DSC1: variants seen among roughly 807,000 people sequenced by gnomAD.
DSC1 encodes the protein desmocollin 1.
A neutral mutation model predicts 98.8 loss-of-function variants in DSC1; 79 were observed. That is an observed-to-expected ratio of 0.80 (90% CI 0.67 to 0.96). DSC1 has a LOEUF of 0.96. DSC1 is among the 50% of genes least tolerant of loss of function. DSC1 has a pLI of 0.00. For synonymous variants in DSC1, 405 were observed against 372.1 expected, an observed-to-expected ratio of 1.09 and a Z score of -1.02; for missense variants, 1,115 against 1,075.9, an observed-to-expected ratio of 1.04 and a Z score of -0.51.
chr18:31,144,787 GGTAATAATGATGT>G (rs1435179344), intron 7 of DSC1, among the ~76,000 whole-genome samples: 2 of 152,198 alleles, frequency 1.3e-5, no homozygotes, highest in East Asian at 1.9e-4. Context: ...ATGGACTTTA[GGTAATAATGATGT>G]GTAATAATGA....
rs779164711 is a variant in DSC1, at chr18:31,156,185, A to AG, written c.352-24_352-23insC. 6.5e-5 allele frequency: 104 copies of AG among 1,595,880 alleles called. No homozygotes were observed. In the African/African-American group the frequency reaches 1.2e-3, roughly 19 times the overall value. Reference sequence around the variant, plus strand: ...AGACTACATTTGACAAGAAACAAAGAAATGTAGCATTGCTTATCATTTTTT... The same window carrying AG: ...AGACTACATTTGACAAGAAACAAAGAGAATGTAGCATTGCTTATCATTTTTT... On this transcript the variant is annotated intron_variant, in intron 3 of 15. Coordinates refer to ENST00000257198, the MANE Select transcript of DSC1 (RefSeq NM_024421.2).
rs755191147 is a variant in DSC1, at chr18:31,156,050, A to G, written c.464T>C (p.Val155Ala). The part of the protein sequence containing the change: ...ENSLGPFPQH[V>A]QQIQSDAAQN... ...CAAATAAGTGAAATGCACCTGCTGA[A>G]CGTGTTGTGGAAATGGACCCAACGA... is the stretch of plus-strand genomic sequence containing the variant. The change falls in exon 4 of 16, where the codon GTT becomes GCT. Residue 155 changes from valine to alanine, a missense_variant. Physicochemically the swap from Val to Ala is moderately conservative, Grantham distance 64. Coordinates refer to ENST00000257198, the MANE Select transcript of DSC1 (RefSeq NM_024421.2). The G allele has an allele frequency of 6.2e-7, 1 of 1,612,496 alleles. No homozygotes were observed. The highest frequency in any genetic ancestry group is 1.1e-5 in the South Asian group (1 of 90,506).
Position 31,147,809 on chromosome 18 carries a change from T to TA in DSC1, c.772+688dup, listed in dbSNP as rs553899813. 7.0e-3 allele frequency among the ~76,000 whole-genome samples: 1,058 copies of TA among 151,576 alleles called. 14 individuals carry two copies. The highest frequency in any genetic ancestry group is 0.024 in the African/African-American group (1,005 of 41,406). ...AATCCTTTGAATTTCAAATGTCTGT[T>TA]AAAAAAAAATTCCTTGGCACCATAA... On this transcript the variant is annotated intron_variant, in intron 6 of 15. Transcript: ENST00000257198.
chr18:31,137,302 C>A (rs1473295295), intron 11 of DSC1, among the ~76,000 whole-genome samples: 1 of 152,100 alleles, frequency 6.6e-6, no homozygotes, highest in African/African-American at 2.4e-5. Flanking sequence ...AATATTTGTT[C>A]TCTTAAGAAA....
intron 5 of DSC1, among the ~76,000 whole-genome samples, chr18:31,150,244 C>T (rs1228883446): frequency 2.8e-5 from 4 of 140,782 alleles, no homozygotes; most frequent in Admixed American, 7.4e-5. Context: ...TCATCACCAC[C>T]ACTACCACCA....
intron 11 of DSC1, among the ~76,000 whole-genome samples, chr18:31,138,538 T>C (rs144208320): frequency 1.7e-3 from 258 of 152,034 alleles, no homozygotes; most frequent in African/African-American, 5.6e-3. Context: ...AATAAATGAG[T>C]AAACATAAAG....
intron 5 of DSC1, among the ~76,000 whole-genome samples, chr18:31,150,131 AT>A (rs1988934740): frequency 7.3e-6 from 1 of 136,304 alleles, no homozygotes; most frequent in African/African-American, 2.7e-5. Flanking sequence ...CATCTCCACC[AT>A]TATCACCATT....
rs747180667 is a variant in DSC1 at position 31,131,767 on chromosome 18, G to A, written c.2314C>T (p.Gln772Ter). 1 of 1,614,008 alleles carries A rather than the reference G, an allele frequency of 6.2e-7. No homozygotes were observed. Among genetic ancestry groups the A allele is most frequent in the South Asian group, 1.1e-5 (1 of 91,078 alleles). ...AAACTTTGCTGTGTTTTGATTCCCT[G>A]GCCACCAACAGTACCAACAGACATG... ...TSMSVGTVGG[Q>*]GIKTQQSFEM... The change falls in exon 15 of 16, where the codon CAG becomes TAG. Residue 772 changes from glutamine (Q) to a stop codon, truncating the protein, a stop_gained. Transcript: ENST00000257198. LOFTEE classifies it high-confidence loss of function.
chr18:31,134,256 G>A, intron 12 of DSC1, 126 bp from the exon 13 acceptor site: 1 of 1,162,438 alleles, frequency 8.6e-7, no homozygotes, highest in Non-Finnish European at 1.2e-6. Flanking sequence ...TTTTTTTTTT[G>A]AATTTGTGAT....
chr18:31,143,761 C>A lies in DSC1; in HGVS notation c.970G>T (p.Val324Leu). 2 of 1,599,286 alleles carry A rather than the reference C, an allele frequency of 1.3e-6. No homozygotes were observed. Among genetic ancestry groups the A allele is most frequent in the Non-Finnish European group, 1.7e-6 (2 of 1,172,836 alleles). Residue 324 changes from valine (V) to leucine (L), a missense_variant, in exon 8 of 16, where the codon GTG (valine) becomes TTG (leucine). Coordinates refer to ENST00000257198, the MANE Select transcript of DSC1 (RefSeq NM_024421.2). ...KCDTYQLIME[V>L]RDMGGQPFGL... ...AAAGGCTGACCACCCATGTCTCGCACTTCCATTATTAACTGGTAAGTATCA... is the reference window on the plus strand; with the variant it reads ...AAAGGCTGACCACCCATGTCTCGCAATTCCATTATTAACTGGTAAGTATCA...
chr18:31,138,254 C>A (rs577336954), intron 11 of DSC1, among the ~76,000 whole-genome samples: 25 of 152,056 alleles, frequency 1.6e-4, no homozygotes, highest in Non-Finnish European at 3.2e-4. Flanking sequence ...TTTCTCCTCT[C>A]CAGATAGCAT....
At chr18:31,157,050 T>G (rs1409626342) in intron 3 of DSC1, among the ~76,000 whole-genome samples, 1 of 152,214 alleles carries the variant, frequency 6.6e-6, no homozygotes, top group Non-Finnish European at 1.5e-5. Context: ...CACATTTCGC[T>G]GAGTTTTAGA....
At position 31,134,458 on chromosome 18, in the gene DSC1, G is replaced by A. The variant is rs887895235; in HGVS notation, c.1876+114C>T. On this transcript the variant is annotated intron_variant, in intron 12 of 15. Transcript: ENST00000257198. ...AAGATTAGGTATTGTTGTTTTTAGG[G>A]TTAATAAAATAATTTCCTAAAATAA... The A allele has an allele frequency of 4.0e-6, 4 of 987,718 alleles. No homozygotes were observed. The South Asian group carries it at 7.3e-5, about 18-fold the overall frequency. The allele number at this position is 987,718 out of a possible 1,614,324, so 61.2% of individuals were successfully genotyped here.
intron 5 of DSC1, among the ~76,000 whole-genome samples, chr18:31,152,563 A>C (rs1989021692): frequency 6.6e-6 from 1 of 152,184 alleles, no homozygotes. Flanking sequence ...CTACCATTAG[A>C]ATATCTTCAA....
rs762503061 is a variant in DSC1, at chr18:31,154,932, G to A, written c.472-3C>T. 1 of 1,611,986 alleles carries A rather than the reference G, an allele frequency of 6.2e-7. No individual in the cohort carries two copies. Among genetic ancestry groups the A allele is most frequent in the Admixed American group, 1.7e-5 (1 of 59,272 alleles). ...TTCTGTGCAGCATCAGATTGGATCTGCAGTAATAATTTAGGAATAGAACAA... is the reference window on the plus strand; with the variant it reads ...TTCTGTGCAGCATCAGATTGGATCTACAGTAATAATTTAGGAATAGAACAA... On this transcript the variant is annotated splice_polypyrimidine_tract_variant and splice_region_variant and intron_variant, in intron 4 of 15. Coordinates refer to ENST00000257198, the MANE Select transcript of DSC1 (RefSeq NM_024421.2).
At chr18:31,135,035 C>T (rs1988580645) in intron 11 of DSC1, among the ~76,000 whole-genome samples, 1 of 152,120 alleles carries the variant, frequency 6.6e-6, no homozygotes, top group Non-Finnish European at 1.5e-5. Flanking sequence ...TGAGGAAGGT[C>T]ACTACAGAAT....
At position 31,129,666 on chromosome 18, in the gene DSC1, G is replaced by A. The variant is rs1477912618; in HGVS notation, c.*848C>T. Reference sequence around the variant, plus strand: ...GCCTATGTCAAACTCAAGAGTGAATGTTTTTGCTAAAGTATTTATATTTTT... The same window carrying A: ...GCCTATGTCAAACTCAAGAGTGAATATTTTTGCTAAAGTATTTATATTTTT... On this transcript the variant is annotated 3_prime_UTR_variant, in exon 16 of 16. Coordinates refer to ENST00000257198, the MANE Select transcript of DSC1 (RefSeq NM_024421.2). 1 of 152,122 alleles carries A rather than the reference G, an allele frequency of 6.6e-6. No individual in the cohort carries two copies. The highest frequency in any genetic ancestry group is 1.5e-5 in the Non-Finnish European group (1 of 68,028). The allele number at this position is 152,122 out of a possible 1,614,324, so 9.4% of individuals were successfully genotyped here.
intron 9 of DSC1, among the ~76,000 whole-genome samples, chr18:31,141,758 T>C (rs1222495663): frequency 6.6e-6 from 1 of 152,214 alleles, no homozygotes; most frequent in Non-Finnish European, 1.5e-5. Flanking sequence ...CAGTATTCAA[T>C]ATTTCTCTGT....
intron 4 of DSC1, among the ~76,000 whole-genome samples, chr18:31,155,456 C>T (rs751513437): frequency 9.2e-5 from 14 of 151,836 alleles, no homozygotes; most frequent in Admixed American, 2.0e-4. Context: ...ATGGCGAAAC[C>T]TTGCCTCTAC....
Sources: allele counts gnomAD v4.1 joint callset (sites outside exome capture counted in the v4.1 genomes callset), GRCh38; gene constraint gnomAD v4.1.1; transcripts MANE v1.5; gene names NCBI Gene and HGNC (gene_info 2026-07-23, HGNC 2026-07-21).